The following SLC8A1 variants were observed in gnomAD, a reference collection of about 807,000 sequenced individuals.
SLC8A1 encodes the protein solute carrier family 8 member A1.
In SLC8A1, 18 loss-of-function variants were observed where a neutral mutation model predicts 68.3. The observed-to-expected ratio is 0.26, with a 90% confidence interval of 0.18 to 0.39. The LOEUF (loss-of-function observed/expected upper bound fraction) is 0.39. SLC8A1 is among the 10% of genes least tolerant of loss of function. SLC8A1 has a pLI of 1.00. For missense variants in SLC8A1, 985 were observed against 1,156.7 expected (o/e 0.85, Z 2.15); for synonymous variants, 475 against 415.5 (o/e 1.14, Z -1.74).
intron 2 of SLC8A1, among the ~76,000 whole-genome samples, chr2:40,404,074 T>G (rs1689591613): frequency 6.6e-6 from 1 of 152,166 alleles, no homozygotes; most frequent in Non-Finnish European, 1.5e-5. Context: ...CAGCATTTTT[T>G]TTTAAGACAT....
intron 2 of SLC8A1, among the ~76,000 whole-genome samples, chr2:40,294,120 A>T (rs986781409): frequency 6.6e-6 from 1 of 152,154 alleles, no homozygotes; most frequent in Non-Finnish European, 1.5e-5. Context: ...ATGGACAAGG[A>T]GACTATTATG....
chr2:40,336,456 G>A (rs1575506030), intron 2 of SLC8A1, among the ~76,000 whole-genome samples: 3 of 152,204 alleles, frequency 2.0e-5, no homozygotes, highest in Admixed American at 2.0e-4. Flanking sequence ...TCAGGCCTCG[G>A]TACTCCTGAG....
intron 2 of SLC8A1, among the ~76,000 whole-genome samples, chr2:40,234,827 C>A (rs531960711): frequency 3.9e-5 from 6 of 152,184 alleles, no homozygotes; most frequent in Non-Finnish European, 8.8e-5. Context: ...TGAATTTTGT[C>A]AAAGGCTTTT....
At chr2:40,279,682 T>A (rs1415391530) in intron 2 of SLC8A1, among the ~76,000 whole-genome samples, 1 of 152,202 alleles carries the variant, frequency 6.6e-6, no homozygotes, top group East Asian at 1.9e-4. Flanking sequence ...ATTTCAGTCC[T>A]TCTTTTAGGG....
intron 2 of SLC8A1, among the ~76,000 whole-genome samples, chr2:40,347,672 T>C (rs1003303766): frequency 1.3e-5 from 2 of 152,232 alleles, no homozygotes; most frequent in Non-Finnish European, 2.9e-5. Context: ...TCGAATGTTA[T>C]ACTAACAATT....
chr2:40,237,863 C>A lies in SLC8A1; in HGVS notation c.1809-60008G>T, dbSNP rs1243524848. Reference sequence around the variant, plus strand: ...CTGCAGGTCTGTTGGAATACCCTGCCATGGGAGGTGTCAGTGTGCCCCTGC... The same window carrying A: ...CTGCAGGTCTGTTGGAATACCCTGCAATGGGAGGTGTCAGTGTGCCCCTGC... On this transcript the variant is annotated intron_variant, in intron 2 of 7. Transcript: ENST00000406785. Among the ~76,000 whole-genome samples the A allele has an allele frequency of 1.7e-4, 26 of 152,162 alleles. No individual in the cohort carries two copies. In the East Asian group the frequency reaches 2.9e-3, roughly 17 times the overall value.
chr2:40,307,535 T>A (rs567396242), intron 2 of SLC8A1, among the ~76,000 whole-genome samples: 1 of 152,206 alleles, frequency 6.6e-6, no homozygotes, highest in Non-Finnish European at 1.5e-5. Context: ...TTATATTTTT[T>A]ACTACAATGA....
At chr2:40,275,934 T>A (rs1036586142) in intron 2 of SLC8A1, among the ~76,000 whole-genome samples, 1 of 152,128 alleles carries the variant, frequency 6.6e-6, no homozygotes, top group African/African-American at 2.4e-5. Flanking sequence ...CAGACTTCAC[T>A]TAGTCTCCTT....
intron 3 of SLC8A1, chr2:40,176,036 AG>A: frequency 2.3e-6 from 1 of 431,902 alleles, no homozygotes; most frequent in Admixed American, 2.6e-5. Context: ...GGTTGGGGGG[AG>A]GGGGACGTAT....
chr2:40,428,576 T>A, exon 2 of SLC8A1: 1 of 1,613,836 alleles, frequency 6.2e-7, no homozygotes, highest in Non-Finnish European at 8.5e-7. Flanking sequence ...ACGATAACAT[T>A]TCCTCGAGCT....
intron 1 of SLC8A1, among the ~76,000 whole-genome samples, chr2:40,477,527 A>G (rs1044019237): frequency 6.6e-6 from 1 of 152,208 alleles, no homozygotes; most frequent in Non-Finnish European, 1.5e-5. Context: ...CACCACCCAA[A>G]TGCCAAAGAC....
At chr2:40,434,317 T>C (rs17026003) in intron 1 of SLC8A1, among the ~76,000 whole-genome samples, 8,392 of 152,278 alleles carry the variant, frequency 0.055, 393 homozygotes, top group East Asian at 0.26. Context: ...AATGAAGCAA[T>C]TGGAAAGAAC....
chr2:40,358,367 T>A (rs1349689528), intron 2 of SLC8A1, among the ~76,000 whole-genome samples: 1 of 151,982 alleles, frequency 6.6e-6, no homozygotes, highest in Non-Finnish European at 1.5e-5. Flanking sequence ...CACATAGACA[T>A]TTTCATAGAC....
chr2:40,126,093 C>T (rs755136090), intron 7 of SLC8A1, among the ~76,000 whole-genome samples: 2 of 152,066 alleles, frequency 1.3e-5, no homozygotes, highest in Non-Finnish European at 2.9e-5. Flanking sequence ...GGATTAGAAT[C>T]CACATCCTGT....
intron 2 of SLC8A1, among the ~76,000 whole-genome samples, chr2:40,230,590 G>C (rs1416814723): frequency 6.6e-6 from 1 of 151,998 alleles, no homozygotes; most frequent in Non-Finnish European, 1.5e-5. Flanking sequence ...ATTAGAAATG[G>C]TTCAAAGAAT....
chr2:40,394,690 T>C (rs1268866816), intron 2 of SLC8A1, among the ~76,000 whole-genome samples: 1 of 152,110 alleles, frequency 6.6e-6, no homozygotes. Flanking sequence ...CTAACATGTA[T>C]AGAGTGCCTG....
At chr2:40,380,712 T>C (rs183777282) in intron 2 of SLC8A1, among the ~76,000 whole-genome samples, 4 of 151,894 alleles carry the variant, frequency 2.6e-5, no homozygotes, top group East Asian at 3.9e-4. Context: ...TTAAACTTAA[T>C]AGAATTTCCT....
intron 1 of SLC8A1, among the ~76,000 whole-genome samples, chr2:40,461,153 A>G (rs1427639279): frequency 1.3e-5 from 2 of 152,210 alleles, no homozygotes; most frequent in Non-Finnish European, 2.9e-5. Flanking sequence ...GATGGTTTCA[A>G]GTGCAACACA....
chr2:40,119,558 C>T (rs1225887106), intron 7 of SLC8A1, among the ~76,000 whole-genome samples: 2 of 152,194 alleles, frequency 1.3e-5, no homozygotes, highest in Non-Finnish European at 2.9e-5. Context: ...ATGGTTAAAC[C>T]AGGCAAATGC....
Sources: gnomAD v4.1 joint callset for allele counts (sites outside exome capture counted in the v4.1 genomes callset) on GRCh38, gnomAD v4.1.1 for gene constraint, MANE v1.5 for transcripts, NCBI Gene and HGNC (gene_info 2026-07-23, HGNC 2026-07-21) for gene names.